BAALC: variants seen among roughly 807,000 people sequenced by gnomAD.
BAALC encodes the protein brain and acute leukemia cytoplasmic protein.
BAALC carries 9 observed loss-of-function variants against 15.5 expected under a neutral mutation model. That is an observed-to-expected ratio of 0.58 (90% confidence interval 0.35 to 1.02). The LOEUF (loss-of-function observed/expected upper bound fraction) is 1.02, where lower values mean the gene tolerates loss of function less well. BAALC is among the 50% of genes least tolerant of loss of function. The pLI is 0.02. For missense variants in BAALC, 201 were observed against 192.4 expected (o/e 1.04, Z -0.27); for synonymous variants, 80 against 74.6 (o/e 1.07, Z -0.37).
chr8:103,225,358 C>T (rs1013318822), intron 2 of BAALC, among the ~76,000 whole-genome samples: 1 of 152,198 alleles, frequency 6.6e-6, no homozygotes, highest in Non-Finnish European at 1.5e-5. Flanking sequence ...TATGTAGAGT[C>T]AAAATTATCC....
At chr8:103,203,300 GTA>G (rs1271674952) in intron 1 of BAALC, among the ~76,000 whole-genome samples, 1 of 152,180 alleles carries the variant, frequency 6.6e-6, no homozygotes, top group African/African-American at 2.4e-5. Flanking sequence ...ACATTGTCTA[GTA>G]TATGAGTCCA....
chr8:103,144,477 A>G (rs552455836), intron 1 of BAALC, among the ~76,000 whole-genome samples: 169 of 152,300 alleles, frequency 1.1e-3, no homozygotes, highest in African/African-American at 3.9e-3. Flanking sequence ...ACATAATTTA[A>G]TCCTCATAAA....
At chr8:103,167,785 A>G (rs754289825) in intron 1 of BAALC, among the ~76,000 whole-genome samples, 2 of 152,192 alleles carry the variant, frequency 1.3e-5, no homozygotes, top group Non-Finnish European at 2.9e-5. Flanking sequence ...GTAGGCCACA[A>G]TGAGGAGCTT....
At chr8:103,180,621 G>A (rs13276105) in intron 1 of BAALC, among the ~76,000 whole-genome samples, 109 of 152,300 alleles carry the variant, frequency 7.2e-4, no homozygotes, top group Non-Finnish European at 1.4e-3. Flanking sequence ...TGGAAAACAG[G>A]GACCAGAAGG....
intron 1 of BAALC, chr8:103,171,981 T>A (rs1254962655): frequency 6.6e-6 from 1 of 152,220 alleles, no homozygotes; most frequent in Non-Finnish European, 1.5e-5. Flanking sequence ...TGCCTCAACG[T>A]TGCCGCAGCT....
chr8:103,199,626 CT>C (rs1286177126), intron 1 of BAALC, among the ~76,000 whole-genome samples: 2 of 151,404 alleles, frequency 1.3e-5, no homozygotes, highest in Non-Finnish European at 1.5e-5. Context: ...TTTCTTACAT[CT>C]AATAAAGATG....
At chr8:103,169,123 C>G (rs1431884681) in intron 1 of BAALC, among the ~76,000 whole-genome samples, 1 of 151,972 alleles carries the variant, frequency 6.6e-6, no homozygotes, top group African/African-American at 2.4e-5. Context: ...TCTCCCTAGC[C>G]TGGTCCTCTA....
intron 1 of BAALC, chr8:103,154,677 C>CT (rs398112812): frequency 6.5e-6 from 1 of 153,430 alleles, no homozygotes; most frequent in Non-Finnish European, 1.5e-5. Flanking sequence ...TCCCACAGCC[C>CT]ACCTGTCACC....
chr8:103,153,470 T>C (rs1811024440), intron 1 of BAALC, among the ~76,000 whole-genome samples: 1 of 152,252 alleles, frequency 6.6e-6, no homozygotes, highest in South Asian at 2.1e-4. Context: ...CATATGCTAA[T>C]ATTGAAATAA....
At chr8:103,188,890 TA>T (rs1193166065) in intron 1 of BAALC, among the ~76,000 whole-genome samples, 1 of 152,252 alleles carries the variant, frequency 6.6e-6, no homozygotes, top group African/African-American at 2.4e-5. Flanking sequence ...AATGACTTTC[TA>T]AAACAATGTC....
chr8:103,169,872 T>C lies in BAALC; in HGVS notation c.160+28815T>C, dbSNP rs531908986. On this transcript the variant is annotated intron_variant, in intron 1 of 2. Coordinates refer to ENST00000309982, the MANE Select transcript of BAALC (RefSeq NM_024812.3). ...ATTTGGTATTTTGGGGAGAGGTCCT[T>C]GGGTTCTAACTGCTTCTGAAGCCAG... 9.5e-4 allele frequency among the ~76,000 whole-genome samples: 145 copies of C among 152,306 alleles called. 1 individual carries two copies. In the Middle Eastern group the frequency reaches 0.027, roughly 29 times the overall value.
At chr8:103,215,077 T>C (rs1812528487) in intron 2 of BAALC, 2 of 152,258 alleles carry the variant, frequency 1.3e-5, no homozygotes, top group Admixed American at 1.3e-4. Flanking sequence ...TGAGCCAGGA[T>C]AAGCCGTGGT....
intron 1 of BAALC, among the ~76,000 whole-genome samples, chr8:103,201,958 T>C (rs1325657813): frequency 6.6e-6 from 1 of 152,226 alleles, no homozygotes. Flanking sequence ...AATCGTATTG[T>C]ATAGTCTCAA....
intron 1 of BAALC, among the ~76,000 whole-genome samples, chr8:103,145,349 G>A (rs1810857986): frequency 6.6e-6 from 1 of 152,194 alleles, no homozygotes; most frequent in Non-Finnish European, 1.5e-5. Context: ...TTTGAAGATG[G>A]CTGTCACATC....
chr8:103,188,518 TCA>T (rs1811896432), intron 1 of BAALC, among the ~76,000 whole-genome samples: 1 of 152,198 alleles, frequency 6.6e-6, no homozygotes, highest in Non-Finnish European at 1.5e-5. Flanking sequence ...AGGAAAGGAA[TCA>T]CTAATGAAGA....
intron 1 of BAALC, among the ~76,000 whole-genome samples, chr8:103,202,585 A>G (rs761990837): frequency 1.3e-5 from 2 of 152,370 alleles, no homozygotes; most frequent in Non-Finnish European, 2.9e-5. Flanking sequence ...GAATGATTCA[A>G]GGAGACACAA....
chr8:103,177,897 T>A (rs1287998469), intron 1 of BAALC, among the ~76,000 whole-genome samples: 1 of 152,232 alleles, frequency 6.6e-6, no homozygotes, highest in Non-Finnish European at 1.5e-5. Context: ...CCTCCACAAA[T>A]TCCTTAAAAT....
At chr8:103,178,195 A>G (rs938901799) in intron 1 of BAALC, among the ~76,000 whole-genome samples, 11 of 152,216 alleles carry the variant, frequency 7.2e-5, no homozygotes, top group Non-Finnish European at 1.5e-4. Flanking sequence ...TATCTTTTTA[A>G]CTCATTGATG....
intron 1 of BAALC, among the ~76,000 whole-genome samples, chr8:103,160,918 C>T (rs1244041693): frequency 6.6e-6 from 1 of 152,072 alleles, no homozygotes; most frequent in African/African-American, 2.4e-5. Context: ...CTTCCCCAGC[C>T]CACTGACTCA....
Sources: allele counts gnomAD v4.1 joint callset (sites outside exome capture counted in the v4.1 genomes callset), GRCh38; gene constraint gnomAD v4.1.1; transcripts MANE v1.5; gene names NCBI Gene and HGNC (gene_info 2026-07-23, HGNC 2026-07-21).